Variants in ENTPD5 observed in about 807,000 individuals in gnomAD.
The protein encoded by ENTPD5 is nucleoside diphosphate phosphatase ENTPD5.
Under a neutral mutation model 60.2 loss-of-function variants are expected in ENTPD5, and 49 were observed. The ratio of observed to expected loss-of-function variants is 0.81; its 90% CI spans 0.65 to 1.03. The LOEUF (loss-of-function observed/expected upper bound fraction) is 1.03. Among genes scored for constraint, ENTPD5 ranks in the 50% least tolerant of loss-of-function variants. The probability of loss-of-function intolerance (pLI) is 0.00; values close to 1 mark genes in which losing one functional copy is unlikely to be tolerated. For missense variants in ENTPD5, 480 were observed against 507.6 expected (o/e 0.95, Z 0.52); for synonymous variants, 187 against 185.4 (o/e 1.01, Z -0.07).
intron 3 of ENTPD5, among the ~76,000 whole-genome samples, chr14:74,005,548 C>G (rs2058653508): frequency 6.6e-6 from 1 of 152,086 alleles, no homozygotes; most frequent in South Asian, 2.1e-4. Context: ...TGGCTCACGC[C>G]TGTAATCCCA....
At chr14:74,006,356 T>G (rs1300750685) in intron 3 of ENTPD5, among the ~76,000 whole-genome samples, 3 of 149,016 alleles carry the variant, frequency 2.0e-5, no homozygotes, top group Non-Finnish European at 4.4e-5. Flanking sequence ...CAATCTCGGC[T>G]CACTGCAAGC....
intron 3 of ENTPD5, among the ~76,000 whole-genome samples, chr14:73,991,756 C>T (rs1265768488): frequency 2.6e-5 from 4 of 151,828 alleles, no homozygotes; most frequent in East Asian, 1.9e-4. Flanking sequence ...TAACCAAAAA[C>T]GTCTCCAGAC....
chr14:73,967,148 T>C (rs1384189229), intron 15 of ENTPD5, 134 bp from the exon 16 acceptor site: 12 of 685,702 alleles, frequency 1.8e-5, no homozygotes, highest in Non-Finnish European at 7.5e-6. Flanking sequence ...AGCCAGTCTT[T>C]GCAGGCTTCC....
At chr14:73,993,420 A>C (rs1327265933) in intron 3 of ENTPD5, among the ~76,000 whole-genome samples, 1 of 152,216 alleles carries the variant, frequency 6.6e-6, no homozygotes, top group Admixed American at 6.5e-5. Flanking sequence ...ACACTATTCA[A>C]GGCTGAACTT....
In ENTPD5 at chr14:74,015,889, CAA is replaced by C. The variant is rs1330277544; in HGVS notation, c.-198_-197del. On this transcript the variant is annotated 5_prime_UTR_variant, in exon 2 of 16. An upstream open reading frame in the 5' UTR gains an earlier in-frame stop. Transcript: ENST00000334696. ...GATCTTGTCTGTATGAGGATTCAGC[CAA>C]GACACTCCACATTTCTTTGTTGACC... is the stretch of plus-strand genomic sequence containing the variant. The C allele has an allele frequency of 6.6e-6, 1 of 152,144 alleles. No homozygotes were observed. The highest frequency in any genetic ancestry group is 1.5e-5 in the Non-Finnish European group (1 of 68,036). 9.4% of individuals were successfully genotyped at this position (152,144 alleles called of 1,614,324 possible).
At chr14:73,977,440 G>C in intron 6 of ENTPD5, 66 bp from the exon 7 acceptor site, 2 of 1,231,488 alleles carry the variant, frequency 1.6e-6, no homozygotes, top group Non-Finnish European at 2.3e-6. Flanking sequence ...TCCATATTTT[G>C]ACAGTGTCCT....
chr14:73,976,449 T>C, intron 8 of ENTPD5, 37 bp from the exon 9 acceptor site: 1 of 1,544,848 alleles, frequency 6.5e-7, no homozygotes, highest in Non-Finnish European at 9.0e-7. Context: ...AGCCTCGACA[T>C]CCTGGGCAGC....
intron 5 of ENTPD5, 92 bp downstream of exon 5, chr14:73,986,722 C>A: frequency 1.1e-6 from 1 of 881,172 alleles, no homozygotes; most frequent in Admixed American, 1.9e-5. Context: ...ATCTCAATCT[C>A]ATTAGTGAAT....
At chr14:73,995,328 A>C (rs1281341151) in intron 3 of ENTPD5, among the ~76,000 whole-genome samples, 2 of 152,096 alleles carry the variant, frequency 1.3e-5, no homozygotes, top group Admixed American at 1.3e-4. Context: ...GATTATAGGC[A>C]TGAGCCACCT....
At chr14:74,004,069 C>T (rs2058593875) in intron 3 of ENTPD5, among the ~76,000 whole-genome samples, 1 of 152,122 alleles carries the variant, frequency 6.6e-6, no homozygotes, top group Non-Finnish European at 1.5e-5. Context: ...CATGCCACTG[C>T]ACTCCAGCAT....
chr14:74,018,160 G>T (rs576909878), intron 1 of ENTPD5, among the ~76,000 whole-genome samples: 2 of 148,964 alleles, frequency 1.3e-5, no homozygotes, highest in Admixed American at 6.8e-5. Context: ...CAGCCTGGGT[G>T]ACAGAAGACT....
chr14:74,015,249 G>A (rs545302342), intron 2 of ENTPD5, among the ~76,000 whole-genome samples: 1 of 152,060 alleles, frequency 6.6e-6, no homozygotes, highest in Non-Finnish European at 1.5e-5. Flanking sequence ...GATTTATGAA[G>A]GGAAACATGG....
downstream of ENTPD5, chr14:73,958,839 T>C: frequency 6.5e-7 from 1 of 1,540,774 alleles, no homozygotes; most frequent in Non-Finnish European, 8.7e-7. Flanking sequence ...GGGCTGTGAG[T>C]GAAGCAGGCC....
intron 15 of ENTPD5, among the ~76,000 whole-genome samples, chr14:73,968,674 C>T (rs528435930): frequency 6.6e-6 from 1 of 152,174 alleles, no homozygotes; most frequent in Non-Finnish European, 1.5e-5. Flanking sequence ...GATCCGCCCG[C>T]CTCAGCCTCC....
At position 73,964,208 on chromosome 14, in the gene ENTPD5, A is replaced by G. The variant is rs188063995; in HGVS notation, c.*2720T>C. 1 of 152,088 alleles carries G rather than the reference A, an allele frequency of 6.6e-6. No homozygotes were observed. The highest frequency in any genetic ancestry group is 1.5e-5 in the Non-Finnish European group (1 of 68,036). The allele number at this position is 152,088 out of a possible 1,614,324, so 9.4% of individuals were successfully genotyped here. Reference sequence around the variant, plus strand: ...CATTGGCCCACAGAGAGTGTTCTTCATATGACAATGATGTTAAACACCATC... The same window carrying G: ...CATTGGCCCACAGAGAGTGTTCTTCGTATGACAATGATGTTAAACACCATC... On this transcript the variant is annotated 3_prime_UTR_variant, in exon 16 of 16. Coordinates refer to ENST00000334696, the MANE Select transcript of ENTPD5 (RefSeq NM_001249.5).
chr14:73,983,619 ATCTC>A (rs2057780338), intron 5 of ENTPD5, among the ~76,000 whole-genome samples: 1 of 131,038 alleles, frequency 7.6e-6, no homozygotes, highest in African/African-American at 2.9e-5. Flanking sequence ...GTGACACTCC[ATCTC>A]AAAAAAAAAA....
chr14:73,957,321 G>A (rs774666591), downstream of ENTPD5, among the ~76,000 whole-genome samples: 3 of 151,996 alleles, frequency 2.0e-5, no homozygotes, highest in African/African-American at 4.8e-5. Flanking sequence ...TCCTGACCTC[G>A]TGATCCACCC....
intron 3 of ENTPD5, among the ~76,000 whole-genome samples, chr14:73,989,702 G>A (rs538878735): frequency 1.3e-5 from 2 of 152,074 alleles, no homozygotes; most frequent in Non-Finnish European, 1.5e-5. Flanking sequence ...GCATGATGGC[G>A]GGTGCCTATA....
At chr14:73,956,444 T>C (rs2140384662), downstream of ENTPD5, 1 of 162,806 alleles carries the variant, frequency 6.1e-6, no homozygotes, top group South Asian at 1.6e-4. Flanking sequence ...GCCAAACTTT[T>C]CTGAAGAGGC....
Sources: gnomAD v4.1 joint callset for allele counts (sites outside exome capture counted in the v4.1 genomes callset) on GRCh38, gnomAD v4.1.1 for gene constraint, MANE v1.5 for transcripts, NCBI Gene and HGNC (gene_info 2026-07-23, HGNC 2026-07-21) for gene names.